Variants in ATG7 observed in about 807,000 individuals in gnomAD.
The protein encoded by ATG7 is ubiquitin-like modifier-activating enzyme ATG7.
ATG7 carries 70 observed loss-of-function variants against 82.4 expected under a neutral mutation model. The ratio of observed to expected loss-of-function variants is 0.85; its 90% confidence interval spans 0.70 to 1.04. The LOEUF is 1.04. Among genes scored for constraint, ATG7 ranks in the 50% least tolerant of loss-of-function variants. The pLI is 0.00. For synonymous variants in ATG7, 287 were observed against 313.0 expected (o/e 0.92, Z 0.88); for missense variants, 792 against 864.3 (o/e 0.92, Z 1.05).
chr3:11,477,262 C>G, intron 20 of ATG7: 1 of 1,258,572 alleles, frequency 7.9e-7, no homozygotes, highest in Non-Finnish European at 1.0e-6. Context: ...CTGCTTTGTT[C>G]CATAAGGTAG....
At chr3:11,306,713 C>T (rs1328063856) in intron 5 of ATG7, among the ~76,000 whole-genome samples, 1 of 152,182 alleles carries the variant, frequency 6.6e-6, no homozygotes, top group East Asian at 1.9e-4. Flanking sequence ...AGTAGAACAG[C>T]ATCCTGATAG....
chr3:11,518,346 G>C (rs891549685), intron 20 of ATG7, among the ~76,000 whole-genome samples: 1 of 152,126 alleles, frequency 6.6e-6, no homozygotes, highest in Non-Finnish European at 1.5e-5. Flanking sequence ...AAGAGATCGA[G>C]ACCAGCTTGG....
In ATG7 at chr3:11,555,053, C is replaced by CCTTGGA. The variant is rs2072272947; in HGVS notation, c.*215_*216insACTTGG. On this transcript the variant is annotated 3_prime_UTR_variant, in exon 21 of 21. Coordinates refer to ENST00000693202, the MANE Select transcript of ATG7 (RefSeq NM_001349232.2). ...CCACCAGTTCAGAGCTAAATAATAA[C>CCTTGGA]CTTGGCCTTGGCCTTGCTATTGACC... 1 of 575,974 alleles carries CCTTGGA rather than the reference C, an allele frequency of 1.7e-6. No individual in the cohort carries two copies. The highest frequency in any genetic ancestry group is 1.9e-5 in the African/African-American group (1 of 52,260). The allele number at this position is 575,974 out of a possible 1,614,324, so 35.7% of individuals were successfully genotyped here. A position where few individuals can be genotyped will look rare whatever the true frequency, so the allele number is the denominator to read the frequency against.
At chr3:11,501,962 T>G (rs185997100) in intron 20 of ATG7, among the ~76,000 whole-genome samples, 1 of 152,332 alleles carries the variant, frequency 6.6e-6, no homozygotes, top group East Asian at 1.9e-4. Context: ...GTGCTGGGAT[T>G]ACAGGCGTGA....
Position 11,431,163 on chromosome 3 carries a change from A to G in ATG7, c.2079+4237A>G, listed in dbSNP as rs2082842684. On this transcript the variant is annotated intron_variant, in intron 20 of 20. Transcript: ENST00000693202. The stretch of plus-strand genomic sequence containing the variant: ...CGCCTGTAATCCCAGCACTTTTGGG[A>G]GGCCGAGGTGGGTGGATCACTTGAG... Among the ~76,000 whole-genome samples the G allele has an allele frequency of 2.0e-5, 3 of 152,210 alleles. No individual in the cohort carries two copies. In the South Asian group the frequency reaches 6.2e-4, roughly 31 times the overall value.
rs561868577 is a variant in ATG7 at position 11,439,282 on chromosome 3, TG to T, written c.2079+12358del. On this transcript the variant is annotated intron_variant, in intron 20 of 20. Transcript: ENST00000693202. ...TGGGGTTTCGCCATGTTGGCCAGGC[TG>T]GTCTCGAACTCCTTACCTCAAATGA... is the stretch of plus-strand genomic sequence containing the variant. 1.7e-3 allele frequency among the ~76,000 whole-genome samples: 259 copies of T among 152,152 alleles called. 1 individual carries two copies. The highest frequency in any genetic ancestry group is 4.4e-3 in the Admixed American group (68 of 15,290).
intron 20 of ATG7, among the ~76,000 whole-genome samples, chr3:11,486,858 A>ATTT (rs2089734130): frequency 9.0e-6 from 1 of 111,604 alleles, no homozygotes; most frequent in South Asian, 3.1e-4. Context: ...TTTTTTATTG[A>ATTT]TAATTCTTGG....
chr3:11,387,179 A>G (rs948956935), intron 19 of ATG7, among the ~76,000 whole-genome samples: 1 of 152,172 alleles, frequency 6.6e-6, no homozygotes, highest in African/African-American at 2.4e-5. Context: ...CTGTCCACAC[A>G]CAGGTATAAT....
intron 20 of ATG7, among the ~76,000 whole-genome samples, chr3:11,495,293 G>A (rs1018550844): frequency 2.2e-4 from 33 of 152,324 alleles, no homozygotes; most frequent in African/African-American, 6.0e-4. Context: ...AAGCTGGACA[G>A]TAGGAAATGG....
At chr3:11,288,982 A>G (rs1944528703) in intron 3 of ATG7, among the ~76,000 whole-genome samples, 1 of 152,084 alleles carries the variant, frequency 6.6e-6, no homozygotes, top group South Asian at 2.1e-4. Context: ...CCCTATCAAA[A>G]CCTTTCCTGT....
intron 20 of ATG7, among the ~76,000 whole-genome samples, chr3:11,525,031 CTTTATTTA>C (rs76955931): frequency 1.9e-3 from 291 of 151,340 alleles, no homozygotes; most frequent in African/African-American, 6.8e-3. Flanking sequence ...GCAAATCTCA[CTTTATTTA>C]TTTATTTATT....
chr3:11,291,343 T>G (rs1294089986), intron 3 of ATG7, among the ~76,000 whole-genome samples: 1 of 152,190 alleles, frequency 6.6e-6, no homozygotes, highest in Non-Finnish European at 1.5e-5. Context: ...AATAATTGGT[T>G]ATTTTTTAGC....
At chr3:11,490,151 C>G (rs1465131994) in intron 20 of ATG7, among the ~76,000 whole-genome samples, 1 of 152,100 alleles carries the variant, frequency 6.6e-6, no homozygotes. Flanking sequence ...CTTTATGAAT[C>G]TAGGTGCTCC....
the ATG7 span, among the ~76,000 whole-genome samples, chr3:11,570,621 C>T: frequency 6.6e-6 from 1 of 152,200 alleles, no homozygotes; most frequent in African/African-American, 2.4e-5. Flanking sequence ...CAGTTAACAG[C>T]GTTTGTGGCA....
chr3:11,383,740 A>G (rs1465500016), intron 19 of ATG7, among the ~76,000 whole-genome samples: 2 of 152,184 alleles, frequency 1.3e-5, no homozygotes, highest in African/African-American at 4.8e-5. Context: ...GAGCCACCGC[A>G]TCCAGCCGTA....
At chr3:11,408,342 G>A (rs146243378) in intron 19 of ATG7, among the ~76,000 whole-genome samples, 3,483 of 152,266 alleles carry the variant, frequency 0.023, 66 homozygotes, top group Non-Finnish European at 0.037. Context: ...TTTTGTCAAA[G>A]CCATTCAGCA....
At chr3:11,316,648 G>A (rs1248219823) in intron 9 of ATG7, among the ~76,000 whole-genome samples, 16 of 152,180 alleles carry the variant, frequency 1.1e-4, no homozygotes, top group Non-Finnish European at 1.8e-4. Context: ...CAAGTCTTAT[G>A]AATTTGTGTC....
At position 11,555,628 on chromosome 3, in the gene ATG7, G is replaced by A. The variant is rs1017151495; in HGVS notation, c.*785G>A. On this transcript the variant is annotated 3_prime_UTR_variant, in exon 21 of 21. Transcript: ENST00000693202. ...CTTATGAGCAGGCCAGGCCCAGAAA[G>A]GCCGAGCCTGGGCTGCCTTCCTGCC... 1.3e-5 allele frequency: 2 copies of A among 152,188 alleles called. No homozygotes were observed. Among genetic ancestry groups the A allele is most frequent in the African/African-American group, 4.8e-5 (2 of 41,404 alleles). The allele number at this position is 152,188 out of a possible 1,614,324, so 9.4% of individuals were successfully genotyped here.
At chr3:11,428,210 C>G (rs1031574414) in intron 20 of ATG7, among the ~76,000 whole-genome samples, 8 of 152,200 alleles carry the variant, frequency 5.3e-5, no homozygotes, top group African/African-American at 1.9e-4. Context: ...ATAAATTCCT[C>G]CATAGGTTGC....
Sources: allele counts gnomAD v4.1 joint callset (sites outside exome capture counted in the v4.1 genomes callset), GRCh38; gene constraint gnomAD v4.1.1; transcripts MANE v1.5; gene names NCBI Gene and HGNC (gene_info 2026-07-23, HGNC 2026-07-21).